The following RNF38 variants were observed in gnomAD, a reference collection of about 807,000 sequenced individuals.
RNF38 encodes the protein ring finger protein 38, also known as E3 ubiquitin-protein ligase RNF38.
Under a neutral mutation model 67.2 loss-of-function variants are expected in RNF38, and 15 were observed. The observed-to-expected ratio is 0.22, with a 90% CI of 0.15 to 0.34. The LOEUF is 0.34. Among genes scored for constraint, RNF38 ranks in the 10% least tolerant of loss-of-function variants. The probability of loss-of-function intolerance (pLI) is 1.00; values close to 1 mark genes in which losing one functional copy is unlikely to be tolerated. For missense variants in RNF38, 524 were observed against 639.9 expected (o/e 0.82, Z 1.95); for synonymous variants, 220 against 218.8 (o/e 1.01, Z -0.05).
At chr9:36,369,668 A>C (rs1587529291) in intron 4 of RNF38, 51 bp downstream of exon 4, 1 of 1,438,738 alleles carries the variant, frequency 7.0e-7, no homozygotes, top group Non-Finnish European at 9.3e-7. Flanking sequence ...AAAATCTCAA[A>C]CTGCCACAAA....
chr9:36,408,659 T>TAA (rs1838242525), intron 2 of RNF38, among the ~76,000 whole-genome samples: 1 of 152,136 alleles, frequency 6.6e-6, no homozygotes, highest in African/African-American at 2.4e-5. Flanking sequence ...TTAGGGAAGC[T>TAA]GGTGACCAAT....
rs1376012465 is a variant in RNF38 at position 36,336,952 on chromosome 9, C to G, written c.*2800G>C. The G allele has an allele frequency of 6.6e-6, 1 of 152,036 alleles. No individual in the cohort carries two copies. Among genetic ancestry groups the G allele is most frequent in the Non-Finnish European group, 1.5e-5 (1 of 68,034 alleles). The allele number at this position is 152,036 out of a possible 1,614,324, so 9.4% of individuals were successfully genotyped here. A position where few individuals can be genotyped will look rare whatever the true frequency, so the allele number is the denominator to read the frequency against. Reference sequence around the variant, plus strand: ...AAAATCCTAATATGAGATCTTGATACCTGGAGGCCTTATTTTTTTGAGGGG... The same window carrying G: ...AAAATCCTAATATGAGATCTTGATAGCTGGAGGCCTTATTTTTTTGAGGGG... On this transcript the variant is annotated 3_prime_UTR_variant, in exon 12 of 12. Transcript: ENST00000259605.
chr9:36,476,519 CTTTTTT>C (rs67780076), intron 1 of RNF38, among the ~76,000 whole-genome samples: 1 of 94,132 alleles, frequency 1.1e-5, no homozygotes, highest in African/African-American at 4.0e-5. Flanking sequence ...ATCGGGCAAT[CTTTTTT>C]TTTTTTTTTT....
At chr9:36,431,751 T>C (rs1158211356) in intron 1 of RNF38, among the ~76,000 whole-genome samples, 3 of 152,206 alleles carry the variant, frequency 2.0e-5, no homozygotes. Context: ...CATTGGTAAC[T>C]GAACTCAATC....
intron 1 of RNF38, among the ~76,000 whole-genome samples, chr9:36,475,191 T>G (rs1473376682): frequency 6.6e-6 from 1 of 151,892 alleles, no homozygotes; most frequent in Non-Finnish European, 1.5e-5. Flanking sequence ...GCAATTGTGA[T>G]GTTTTTGCAA....
At chr9:36,414,089 A>G (rs1298480128) in intron 2 of RNF38, among the ~76,000 whole-genome samples, 13 of 152,134 alleles carry the variant, frequency 8.5e-5, no homozygotes, top group Admixed American at 7.9e-4. Context: ...GTCCATTTGC[A>G]TGGAATATCT....
At chr9:36,345,302 AC>A (rs985938440) in intron 9 of RNF38, among the ~76,000 whole-genome samples, 4 of 152,242 alleles carry the variant, frequency 2.6e-5, no homozygotes, top group Non-Finnish European at 5.9e-5. Flanking sequence ...CTAATCTTTT[AC>A]CTATTACAAT....
chr9:36,346,888 C>T (rs933021202), intron 9 of RNF38, among the ~76,000 whole-genome samples: 5 of 152,038 alleles, frequency 3.3e-5, no homozygotes, highest in African/African-American at 1.2e-4. Flanking sequence ...GAGGCTAAGG[C>T]AGGCAGATCA....
chr9:36,429,704 G>A (rs1838878550), intron 1 of RNF38, among the ~76,000 whole-genome samples: 1 of 152,176 alleles, frequency 6.6e-6, no homozygotes, highest in Non-Finnish European at 1.5e-5. Context: ...TGAGGCAGGA[G>A]AATTGTTTGT....
chr9:36,458,730 G>C (rs937702771), intron 1 of RNF38, among the ~76,000 whole-genome samples: 2 of 152,204 alleles, frequency 1.3e-5, no homozygotes, highest in African/African-American at 4.8e-5. Context: ...CTCACCGCGA[G>C]GGTCCGCGGC....
chr9:36,484,954 C>A (rs1221076650), intron 1 of RNF38, among the ~76,000 whole-genome samples: 2 of 152,100 alleles, frequency 1.3e-5, no homozygotes, highest in African/African-American at 4.8e-5. Flanking sequence ...ATCACGAGGT[C>A]AGGAGATCGA....
At chr9:36,400,888 GGCCACGCCCCTCCCCGCCCC>G (rs1057222083), upstream of RNF38, 1 of 953,814 alleles carries the variant, frequency 1.0e-6, no homozygotes. Flanking sequence ...GGCCCGGCCC[GGCCACGCCCCTCCCCGCCCC>G]GCCGCGCCCC....
At chr9:36,446,757 G>A (rs1173305336) in intron 1 of RNF38, among the ~76,000 whole-genome samples, 1 of 138,130 alleles carries the variant, frequency 7.2e-6, no homozygotes, top group Non-Finnish European at 1.5e-5. Context: ...GCAGTGAGCC[G>A]AGATTGCACC....
intron 1 of RNF38, among the ~76,000 whole-genome samples, chr9:36,455,910 C>CAAA (rs557637828): frequency 4.2e-5 from 4 of 94,196 alleles, no homozygotes; most frequent in Admixed American, 1.1e-4. Context: ...GACTCCACCT[C>CAAA]AAAAAAAAAA....
intron 7 of RNF38, 143 bp from the exon 8 acceptor site, chr9:36,352,991 T>C (rs2133501477): frequency 3.7e-6 from 3 of 800,384 alleles, no homozygotes; most frequent in South Asian, 3.6e-5. Context: ...ACTAACTTAT[T>C]AATGGATGCA....
At chr9:36,400,428 G>T, upstream of RNF38, 1 of 1,102,454 alleles carries the variant, frequency 9.1e-7, no homozygotes, top group Non-Finnish European at 1.1e-6. Context: ...GCCACCGCGG[G>T]AACAAAGAGC....
chr9:36,380,939 A>AC (rs1271580552), intron 2 of RNF38, among the ~76,000 whole-genome samples: 1 of 152,178 alleles, frequency 6.6e-6, no homozygotes, highest in African/African-American at 2.4e-5. Flanking sequence ...TATGACTGAG[A>AC]CCCCTACATG....
At chr9:36,465,443 T>G (rs886482298) in intron 1 of RNF38, among the ~76,000 whole-genome samples, 1 of 152,058 alleles carries the variant, frequency 6.6e-6, no homozygotes, top group Non-Finnish European at 1.5e-5. Context: ...ACTACCCAGG[T>G]TCAAGCGATT....
At chr9:36,419,506 CT>C (rs1263376002) in intron 2 of RNF38, among the ~76,000 whole-genome samples, 5 of 152,202 alleles carry the variant, frequency 3.3e-5, no homozygotes, top group African/African-American at 1.2e-4. Context: ...ATAATTGAGG[CT>C]ACAAGTTAAT....
Sources: allele counts gnomAD v4.1 joint callset (sites outside exome capture counted in the v4.1 genomes callset), GRCh38; gene constraint gnomAD v4.1.1; transcripts MANE v1.5; gene names NCBI Gene and HGNC (gene_info 2026-07-23, HGNC 2026-07-21).